Variants in SORL1 observed in about 807,000 individuals in gnomAD.
SORL1 encodes the protein sortilin-related receptor.
Under a neutral mutation model 273.7 loss-of-function variants are expected in SORL1, and 127 were observed. That is an observed-to-expected ratio of 0.46 (90% confidence interval 0.40 to 0.54). The LOEUF (loss-of-function observed/expected upper bound fraction) is 0.54. Ranked by LOEUF, SORL1 falls within the 20% of genes least tolerant of loss-of-function variation. The pLI, the probability that SORL1 is intolerant of heterozygous loss-of-function variation, is 0.00. For missense variants in SORL1, 2,494 were observed against 2,846.1 expected, an observed-to-expected ratio of 0.88 and a Z score of 2.81; for synonymous variants, 1,031 against 1,067.4, an observed-to-expected ratio of 0.97 and a Z score of 0.66.
rs1863875257 is a variant in SORL1, at chr11:121,631,432, A to G, written c.*1869A>G. 7 of 151,964 alleles carry G rather than the reference A, an allele frequency of 4.6e-5. No homozygotes were observed. The highest frequency in any genetic ancestry group is 4.6e-4 in the Admixed American group (7 of 15,262). 9.4% of individuals were successfully genotyped at this position (151,964 alleles called of 1,614,324 possible). On this transcript the variant is annotated 3_prime_UTR_variant, in exon 48 of 48. Coordinates refer to ENST00000260197, the MANE Select transcript of SORL1 (RefSeq NM_003105.6). The stretch of plus-strand genomic sequence containing the variant: ...CTTGTCTTACCGTAGAGATTTGTTC[A>G]AAACTCTAAGCCCTACCACCTCCCC...
Position 121,481,163 on chromosome 11 carries a change from G to A in SORL1, c.528+2920G>A, listed in dbSNP as rs1287640534. ...CTTCTTCCCCAGCTTCTTCCGTAGT[G>A]CACAGATACCTATAGGCAGGCTCCA... On this transcript the variant is annotated intron_variant, in intron 3 of 47. Coordinates refer to ENST00000260197, the MANE Select transcript of SORL1 (RefSeq NM_003105.6). 5.7e-5 allele frequency among the ~76,000 whole-genome samples: 7 copies of A among 121,894 alleles called. 1 individual carries two copies. The South Asian group carries it at 1.6e-3, about 28-fold the overall frequency. 80.0% of individuals were successfully genotyped at this position (121,894 alleles called of 152,430 possible).
At chr11:121,524,532 C>T (rs1050118847) in intron 11 of SORL1, among the ~76,000 whole-genome samples, 3 of 152,184 alleles carry the variant, frequency 2.0e-5, no homozygotes, top group Non-Finnish European at 4.4e-5. Flanking sequence ...TCTGAGTCCC[C>T]ATGGGCAGCC....
intron 6 of SORL1, among the ~76,000 whole-genome samples, chr11:121,507,645 T>A (rs11218312): frequency 0.3 from 45,013 of 151,982 alleles, 7,585 homozygotes; most frequent in Middle Eastern, 0.42. Context: ...TTATTGATAT[T>A]CTCTATTTGA....
chr11:121,456,507 A>G (rs750241319), intron 1 of SORL1, among the ~76,000 whole-genome samples: 1 of 152,234 alleles, frequency 6.6e-6, no homozygotes, highest in Non-Finnish European at 1.5e-5. Context: ...TGGATAGTGA[A>G]AATGAGATGG....
chr11:121,591,630 G>T (rs937451679), intron 31 of SORL1, among the ~76,000 whole-genome samples: 4 of 152,168 alleles, frequency 2.6e-5, no homozygotes, highest in African/African-American at 9.7e-5. Flanking sequence ...GCAGCTGAAG[G>T]TCTGTAGTCA....
chr11:121,561,578 C>A (rs677078), intron 21 of SORL1, among the ~76,000 whole-genome samples: 101,380 of 151,646 alleles, frequency 0.67, 34,997 homozygotes, highest in Non-Finnish European at 0.77. Context: ...AGTCTCAGCT[C>A]CTCAGGAGGC....
At chr11:121,577,042 A>G (rs1375310068) in intron 24 of SORL1, 6 of 1,233,368 alleles carry the variant, frequency 4.9e-6, no homozygotes, top group Admixed American at 4.0e-5. Flanking sequence ...TCAAGAGGCA[A>G]GCAGCTCTAA....
chr11:121,496,768 T>C (rs1364978475), intron 5 of SORL1, 101 bp from the exon 6 acceptor site: 4 of 906,906 alleles, frequency 4.4e-6, no homozygotes, highest in African/African-American at 3.4e-5. Flanking sequence ...GGTCACACCA[T>C]GGTAGGCCTA....
chr11:121,483,479 G>A (rs1295686323), intron 3 of SORL1, among the ~76,000 whole-genome samples: 1 of 152,222 alleles, frequency 6.6e-6, no homozygotes, highest in East Asian at 1.9e-4. Context: ...CTAATAGACT[G>A]TGGATACATT....
chr11:121,576,729 C>A, intron 24 of SORL1: 2 of 1,446,102 alleles, frequency 1.4e-6, no homozygotes, highest in Non-Finnish European at 1.8e-6. Context: ...CTAGAGACAG[C>A]GCATCCACCC....
chr11:121,473,991 T>C (rs1446696622), intron 2 of SORL1, among the ~76,000 whole-genome samples: 1 of 152,194 alleles, frequency 6.6e-6, no homozygotes, highest in Non-Finnish European at 1.5e-5. Context: ...GACATCATGA[T>C]TGTACCCCTC....
At position 121,627,784 on chromosome 11, in the gene SORL1, G is replaced by A. The variant is rs1280217268; in HGVS notation, c.6577+17G>A. ...ATGACCTGGGTAAGTGGGGCAGGGAGAGTCGGTTCTTCCTCCCAGGGCTGA... is the reference window on the plus strand; with the variant it reads ...ATGACCTGGGTAAGTGGGGCAGGGAAAGTCGGTTCTTCCTCCCAGGGCTGA... On this transcript the variant is annotated intron_variant, in intron 47 of 47. Coordinates refer to ENST00000260197, the MANE Select transcript of SORL1 (RefSeq NM_003105.6). The surrounding 1 kb of genome is among the most constrained non-coding windows in gnomAD (Gnocchi z 4.9). The A allele has an allele frequency of 1.3e-6, 2 of 1,595,424 alleles. No individual in the cohort carries two copies. The highest frequency in any genetic ancestry group is 2.2e-5 in the South Asian group (2 of 90,324).
chr11:121,618,175 A>G (rs189183688), intron 41 of SORL1, among the ~76,000 whole-genome samples: 9 of 152,268 alleles, frequency 5.9e-5, no homozygotes, highest in Non-Finnish European at 7.4e-5. Context: ...AGCCTCTTCT[A>G]GCTTAGGGAG....
At chr11:121,552,136 G>GA (rs1012320996) in intron 16 of SORL1, among the ~76,000 whole-genome samples, 7 of 149,488 alleles carry the variant, frequency 4.7e-5, no homozygotes, top group South Asian at 2.1e-4. Context: ...GTAAAAGAGA[G>GA]AAAAAAAAAG....
intron 1 of SORL1, among the ~76,000 whole-genome samples, chr11:121,458,156 A>G (rs1013218671): frequency 3.3e-5 from 5 of 152,196 alleles, no homozygotes; most frequent in African/African-American, 1.2e-4. Context: ...CTATGTATTT[A>G]TGTAGTCTTT....
At chr11:121,594,459 TAGG>T (rs1863263983) in intron 31 of SORL1, among the ~76,000 whole-genome samples, 1 of 151,112 alleles carries the variant, frequency 6.6e-6, no homozygotes, top group South Asian at 2.1e-4. Flanking sequence ...CCCAATTTTC[TAGG>T]AGATTTACTC....
At chr11:121,610,914 A>T in intron 38 of SORL1, 162 bp from the exon 39 acceptor site, 1 of 574,964 alleles carries the variant, frequency 1.7e-6, no homozygotes, top group Non-Finnish European at 3.1e-6. Context: ...TAGCTTCAGG[A>T]AAACAGTGGT....
chr11:121,626,075 A>G (rs764046196), intron 46 of SORL1: 15 of 152,350 alleles, frequency 9.8e-5, no homozygotes, highest in Non-Finnish European at 2.1e-4. Context: ...ATCTTAACAT[A>G]TTAGAGGTTC....
At chr11:121,540,669 C>T (rs774899410) in intron 12 of SORL1, among the ~76,000 whole-genome samples, 10 of 152,150 alleles carry the variant, frequency 6.6e-5, no homozygotes, top group Admixed American at 5.2e-4. Context: ...AAGACAAGAG[C>T]CTTTTCCCCA....
Sources: allele counts gnomAD v4.1 joint callset (sites outside exome capture counted in the v4.1 genomes callset), GRCh38; gene constraint gnomAD v4.1.1; non-coding constraint Gnocchi (gnomAD v3.1); transcripts MANE v1.5; gene names NCBI Gene and HGNC (gene_info 2026-07-23, HGNC 2026-07-21).